CCDC141: variants seen among roughly 807,000 people sequenced by gnomAD.
CCDC141 encodes coiled-coil domain-containing protein 141.
CCDC141 carries 168 observed loss-of-function variants against 181.0 expected under a neutral mutation model. That is an observed-to-expected ratio of 0.93 (90% CI 0.82 to 1.05). CCDC141 has a LOEUF of 1.05. Among genes scored for constraint, CCDC141 ranks in the 50% least tolerant of loss-of-function variants. The pLI is 0.00. For missense variants in CCDC141, 1,902 were observed against 1,788.5 expected, an observed-to-expected ratio of 1.06 and a Z score of -1.14; for synonymous variants, 666 against 642.3, an observed-to-expected ratio of 1.04 and a Z score of -0.56.
intron 8 of CCDC141, among the ~76,000 whole-genome samples, chr2:178,901,411 A>G (rs1048610174): frequency 6.6e-6 from 1 of 152,052 alleles, no homozygotes; most frequent in South Asian, 2.1e-4. Flanking sequence ...ATCCACCATG[A>G]TCAAGTGGGC....
chr2:178,911,797 A>G (rs934241064), intron 7 of CCDC141, among the ~76,000 whole-genome samples: 1 of 152,242 alleles, frequency 6.6e-6, no homozygotes, highest in Admixed American at 6.5e-5. Context: ...GAGAAATATT[A>G]TGGAAATGAT....
At chr2:178,916,048 G>A (rs1027673725) in intron 7 of CCDC141, among the ~76,000 whole-genome samples, 1 of 152,022 alleles carries the variant, frequency 6.6e-6, no homozygotes, top group African/African-American at 2.4e-5. Flanking sequence ...AATCATCCAT[G>A]AAACTGTGAT....
chr2:178,995,837 T>C (rs1470954112), intron 2 of CCDC141, among the ~76,000 whole-genome samples: 2 of 152,180 alleles, frequency 1.3e-5, no homozygotes, highest in African/African-American at 4.8e-5. Flanking sequence ...TAACTGGATA[T>C]TTGATTCTTG....
chr2:178,904,949 A>G (rs1477206070), intron 8 of CCDC141, among the ~76,000 whole-genome samples: 1 of 152,234 alleles, frequency 6.6e-6, no homozygotes, highest in Non-Finnish European at 1.5e-5. Flanking sequence ...TCCAGTAAGA[A>G]AAAGACAGGA....
chr2:179,012,279 C>A lies in CCDC141; in HGVS notation c.226-33604G>T, dbSNP rs574341595. Among the ~76,000 whole-genome samples the A allele has an allele frequency of 2.0e-4, 30 of 152,090 alleles. 1 individual carries two copies. Among genetic ancestry groups the A allele is most frequent in the African/African-American group, 7.0e-4 (29 of 41,514 alleles). ...AAATCCAAATCACCTCACTAAGAAA[C>A]AAAACAGGAGATAGTCTAACTGACA... On this transcript the variant is annotated intron_variant, in intron 2 of 23. Transcript: ENST00000443758.
chr2:178,869,377 G>C, intron 14 of CCDC141, 72 bp from the exon 15 acceptor site: 2 of 1,058,416 alleles, frequency 1.9e-6, no homozygotes, highest in Non-Finnish European at 2.7e-6. Context: ...ACAATATAAA[G>C]GTCTAAACAA....
intron 22 of CCDC141, among the ~76,000 whole-genome samples, chr2:178,844,315 G>A (rs555101088): frequency 6.6e-6 from 1 of 152,264 alleles, no homozygotes; most frequent in East Asian, 1.9e-4. Flanking sequence ...CTCAAATGAA[G>A]TGATTTTAGT....
intron 8 of CCDC141, among the ~76,000 whole-genome samples, chr2:178,897,518 G>C (rs1245139455): frequency 1.3e-5 from 2 of 152,138 alleles, no homozygotes; most frequent in East Asian, 3.9e-4. Context: ...GTAAGTGTTG[G>C]ATCAAAACAG....
At chr2:178,947,712 A>T (rs1049528492) in intron 5 of CCDC141, among the ~76,000 whole-genome samples, 1 of 152,188 alleles carries the variant, frequency 6.6e-6, no homozygotes, top group Admixed American at 6.5e-5. Flanking sequence ...TGTTCAATGA[A>T]AACAAAGAGC....
chr2:178,947,956 T>C (rs1255929213), intron 5 of CCDC141, among the ~76,000 whole-genome samples: 3 of 152,134 alleles, frequency 2.0e-5, no homozygotes, highest in African/African-American at 7.2e-5. Flanking sequence ...ACCAAGCAGT[T>C]TGGGAAGCTG....
At chr2:178,904,047 T>TCTGGAAAAG (rs961298968) in intron 8 of CCDC141, among the ~76,000 whole-genome samples, 1 of 152,150 alleles carries the variant, frequency 6.6e-6, no homozygotes, top group African/African-American at 2.4e-5. Context: ...ATTTATACAT[T>TCTGGAAAAG]CTGGAAAAGC....
At chr2:178,912,730 C>A (rs1688274130) in intron 7 of CCDC141, among the ~76,000 whole-genome samples, 1 of 152,178 alleles carries the variant, frequency 6.6e-6, no homozygotes, top group Non-Finnish European at 1.5e-5. Flanking sequence ...ATAGAAACTC[C>A]TTAGCATGCT....
At chr2:178,999,985 T>C (rs1416818718) in intron 2 of CCDC141, among the ~76,000 whole-genome samples, 1 of 151,540 alleles carries the variant, frequency 6.6e-6, no homozygotes, top group Non-Finnish European at 1.5e-5. Flanking sequence ...TATTTTAAAA[T>C]GGAGAAATAG....
At chr2:179,033,556 A>G (rs1299742592) in intron 2 of CCDC141, among the ~76,000 whole-genome samples, 1 of 152,136 alleles carries the variant, frequency 6.6e-6, no homozygotes, top group African/African-American at 2.4e-5. Flanking sequence ...AATCTTACTC[A>G]GACATATTGA....
chr2:178,852,282 T>C (rs778881067), intron 20 of CCDC141, among the ~76,000 whole-genome samples: 1 of 152,164 alleles, frequency 6.6e-6, no homozygotes, highest in Non-Finnish European at 1.5e-5. Flanking sequence ...TGAGATTGAA[T>C]AGGCACTGAT....
chr2:178,994,645 T>C (rs1347776882), intron 2 of CCDC141, among the ~76,000 whole-genome samples: 1 of 152,222 alleles, frequency 6.6e-6, no homozygotes, highest in African/African-American at 2.4e-5. Context: ...AACTTGAATC[T>C]CTTCTCAGAA....
intron 2 of CCDC141, among the ~76,000 whole-genome samples, chr2:179,031,500 T>G (rs961330688): frequency 2.6e-5 from 4 of 152,162 alleles, no homozygotes; most frequent in East Asian, 1.9e-4. Flanking sequence ...TGCTTTTATC[T>G]TCATTTTTTC....
chr2:178,947,074 G>A (rs907435509), intron 5 of CCDC141, among the ~76,000 whole-genome samples: 5 of 152,170 alleles, frequency 3.3e-5, no homozygotes, highest in African/African-American at 1.2e-4. Flanking sequence ...TATGCTGTGG[G>A]ATGCACACAA....
chr2:178,956,613 A>T (rs576875951), intron 5 of CCDC141, among the ~76,000 whole-genome samples: 2 of 152,286 alleles, frequency 1.3e-5, no homozygotes, highest in South Asian at 4.1e-4. Flanking sequence ...AAGAGCCTAA[A>T]TTTTATATTT....
Sources: allele counts gnomAD v4.1 joint callset (sites outside exome capture counted in the v4.1 genomes callset), GRCh38; gene constraint gnomAD v4.1.1; transcripts MANE v1.5; gene names NCBI Gene and HGNC (gene_info 2026-07-23, HGNC 2026-07-21).